DOCK3: variants seen among roughly 807,000 people sequenced by gnomAD.
The protein encoded by DOCK3 is dedicator of cytokinesis protein 3.
A neutral mutation model predicts 265.6 loss-of-function variants in DOCK3; 60 were observed. That is an observed-to-expected ratio of 0.23 (90% CI 0.18 to 0.28). The LOEUF (loss-of-function observed/expected upper bound fraction) is 0.28, where lower values mean the gene tolerates loss of function less well. DOCK3 is among the 10% of genes least tolerant of loss of function. The pLI is 1.00. For synonymous variants in DOCK3, 881 were observed against 938.0 expected (o/e 0.94, Z 1.11); for missense variants, 1,981 against 2,594.3 (o/e 0.76, Z 5.14).
chr3:51,117,726 T>C (rs549079418), intron 9 of DOCK3, among the ~76,000 whole-genome samples: 16 of 152,352 alleles, frequency 1.1e-4, no homozygotes, highest in African/African-American at 3.6e-4. Flanking sequence ...CCATTTCTTC[T>C]AGGTTTTCTA....
At position 50,842,731 on chromosome 3, in the gene DOCK3, T is replaced by C. The variant is rs536183881; in HGVS notation, c.162+1016T>C. ...AAAATGACCCCTGGTTGAGAACCACTGCTTATAGGTAATTTTTCTTATATT... is the reference window on the plus strand; with the variant it reads ...AAAATGACCCCTGGTTGAGAACCACCGCTTATAGGTAATTTTTCTTATATT... On this transcript the variant is annotated intron_variant, in intron 3 of 52. Coordinates refer to ENST00000266037, the MANE Select transcript of DOCK3 (RefSeq NM_004947.5). Among the ~76,000 whole-genome samples the C allele has an allele frequency of 4.6e-5, 7 of 152,304 alleles. No individual in the cohort carries two copies. The South Asian group carries it at 1.5e-3, about 32-fold the overall frequency.
intron 22 of DOCK3, among the ~76,000 whole-genome samples, chr3:51,256,800 G>A (rs1333610341): frequency 6.6e-6 from 1 of 151,916 alleles, no homozygotes; most frequent in Non-Finnish European, 1.5e-5. Context: ...TCACCCTGTT[G>A]GTCAGGCTGG....
chr3:50,718,323 T>C (rs946501046), intron 1 of DOCK3, among the ~76,000 whole-genome samples: 1 of 152,226 alleles, frequency 6.6e-6, no homozygotes, highest in African/African-American at 2.4e-5. Flanking sequence ...TGTTCAGCAC[T>C]GTTTGTAGCT....
intron 14 of DOCK3, among the ~76,000 whole-genome samples, chr3:51,216,155 G>A (rs1414830806): frequency 4.6e-5 from 7 of 152,226 alleles, no homozygotes; most frequent in East Asian, 1.9e-4. Flanking sequence ...TACTACCTTC[G>A]TGATAGTCTT....
intron 13 of DOCK3, among the ~76,000 whole-genome samples, chr3:51,213,608 G>T (rs1480911653): frequency 6.6e-6 from 1 of 152,202 alleles, no homozygotes; most frequent in Non-Finnish European, 1.5e-5. Context: ...TGTCTCCTCT[G>T]TTGCAAGCCA....
intron 1 of DOCK3, among the ~76,000 whole-genome samples, chr3:50,757,578 T>A (rs938263699): frequency 6.6e-6 from 1 of 152,166 alleles, no homozygotes; most frequent in African/African-American, 2.4e-5. Context: ...TTGTAGGTTG[T>A]CTTTTTACTT....
intron 1 of DOCK3, among the ~76,000 whole-genome samples, chr3:50,692,220 A>G (rs1370935876): frequency 1.3e-5 from 2 of 152,166 alleles, no homozygotes; most frequent in East Asian, 3.9e-4. Context: ...CCTGGCCTCA[A>G]TTTTGTTTTT....
chr3:51,039,818 G>A (rs949953076), intron 5 of DOCK3, among the ~76,000 whole-genome samples: 4 of 149,342 alleles, frequency 2.7e-5, no homozygotes, highest in Non-Finnish European at 5.9e-5. Flanking sequence ...CTTTCATACT[G>A]CAGAAATTCT....
At chr3:50,839,310 T>C (rs534580615) in intron 2 of DOCK3, among the ~76,000 whole-genome samples, 11 of 152,288 alleles carry the variant, frequency 7.2e-5, no homozygotes, top group African/African-American at 2.4e-4. Flanking sequence ...ATTTGTAGTT[T>C]TTTTGTGTGG....
At chr3:51,137,189 A>G (rs1356343176) in intron 9 of DOCK3, among the ~76,000 whole-genome samples, 1 of 152,220 alleles carries the variant, frequency 6.6e-6, no homozygotes, top group Non-Finnish European at 1.5e-5. Flanking sequence ...AAATAAAGCC[A>G]AGTGATCTAA....
At position 51,284,161 on chromosome 3, in the gene DOCK3, G is replaced by C. The variant is rs200128465; in HGVS notation, c.2922+3957G>C. Among the ~76,000 whole-genome samples, 6 of 152,268 alleles carry C rather than the reference G, an allele frequency of 3.9e-5. No individual in the cohort carries two copies. The East Asian group carries it at 1.2e-3, about 29-fold the overall frequency. On this transcript the variant is annotated intron_variant, in intron 27 of 52. Coordinates refer to ENST00000266037, the MANE Select transcript of DOCK3 (RefSeq NM_004947.5). The stretch of plus-strand genomic sequence containing the variant: ...CATATTGAGTGCTCCAACTTTTACA[G>C]CTTCTACCCGAAGGACTGCATCCTA...
intron 12 of DOCK3, among the ~76,000 whole-genome samples, chr3:51,207,161 A>G (rs994315520): frequency 5.3e-5 from 8 of 152,134 alleles, no homozygotes; most frequent in African/African-American, 1.9e-4. Flanking sequence ...AAGGTCACAA[A>G]TACGTAAGGG....
chr3:50,805,737 G>A (rs2043371725), intron 2 of DOCK3, among the ~76,000 whole-genome samples: 2 of 152,150 alleles, frequency 1.3e-5, no homozygotes. Flanking sequence ...ACAGCCCATG[G>A]AGCTATTTCT....
chr3:50,862,412 TTAAGAG>T (rs1292798677), intron 3 of DOCK3, among the ~76,000 whole-genome samples: 3 of 152,206 alleles, frequency 2.0e-5, no homozygotes, highest in Non-Finnish European at 4.4e-5. Context: ...AAGGTGGTGC[TTAAGAG>T]TAAGAGCTGG....
intron 12 of DOCK3, among the ~76,000 whole-genome samples, chr3:51,186,518 G>A (rs990144893): frequency 6.6e-6 from 1 of 152,236 alleles, no homozygotes. Context: ...ATTTGCATAA[G>A]TAATGAGGAG....
intron 2 of DOCK3, among the ~76,000 whole-genome samples, chr3:50,804,726 G>A (rs528766584): frequency 6.6e-5 from 10 of 151,768 alleles, no homozygotes; most frequent in Non-Finnish European, 1.5e-4. Flanking sequence ...GAGGGAGACC[G>A]TGGAGAGAGA....
intron 9 of DOCK3, among the ~76,000 whole-genome samples, chr3:51,125,609 C>G (rs1240419981): frequency 6.6e-6 from 1 of 152,058 alleles, no homozygotes; most frequent in Admixed American, 6.5e-5. Context: ...GTGAAAATAA[C>G]AAGTTAATAA....
rs1232671920 is a variant in DOCK3 at position 50,874,038 on chromosome 3, AG to A, written c.163-15986del. ...CTTGCCTGAGTTTTGGTTTTCATGAAGGTGTTTTTTTTTTTTTCTTTTCTTT... is the reference window on the plus strand; with the variant it reads ...CTTGCCTGAGTTTTGGTTTTCATGAAGTGTTTTTTTTTTTTTCTTTTCTTT... On this transcript the variant is annotated intron_variant, in intron 3 of 52. Coordinates refer to ENST00000266037, the MANE Select transcript of DOCK3 (RefSeq NM_004947.5). Among the ~76,000 whole-genome samples, 62 of 145,782 alleles carry A rather than the reference AG, an allele frequency of 4.3e-4. 1 individual carries two copies. Among genetic ancestry groups the A allele is most frequent in the African/African-American group, 1.6e-3 (62 of 39,268 alleles).
rs182440980 is a variant in DOCK3 at position 51,054,547 on chromosome 3, A to G, written c.316-9901A>G. Among the ~76,000 whole-genome samples, 493 of 152,082 alleles carry G rather than the reference A, an allele frequency of 3.2e-3. 7 individuals are homozygous for G. The highest frequency in any genetic ancestry group is 0.011 in the African/African-American group (448 of 41,486). ...TTTTGTTTGTATTTCATTTTTTGATATTTCCCTCCTCTTTGTTTTCACAGT... is the reference window on the plus strand; with the variant it reads ...TTTTGTTTGTATTTCATTTTTTGATGTTTCCCTCCTCTTTGTTTTCACAGT... On this transcript the variant is annotated intron_variant, in intron 5 of 52. Coordinates refer to ENST00000266037, the MANE Select transcript of DOCK3 (RefSeq NM_004947.5).
Sources: gnomAD v4.1 joint callset for allele counts (sites outside exome capture counted in the v4.1 genomes callset) on GRCh38, gnomAD v4.1.1 for gene constraint, MANE v1.5 for transcripts, NCBI Gene and HGNC (gene_info 2026-07-23, HGNC 2026-07-21) for gene names.